Variants in PLEKHG1 observed in about 807,000 individuals in gnomAD.
PLEKHG1 encodes pleckstrin homology domain-containing family G member 1.
In PLEKHG1, 44 loss-of-function variants were observed where a neutral mutation model predicts 100.8. The observed-to-expected ratio is 0.44, with a 90% CI of 0.34 to 0.56. PLEKHG1 has a LOEUF of 0.56. PLEKHG1 is among the 20% of genes least tolerant of loss of function. The pLI is 0.01. For missense variants in PLEKHG1, 1,545 were observed against 1,720.9 expected (o/e 0.90, Z 1.81); for synonymous variants, 640 against 662.5 (o/e 0.97, Z 0.52).
intron 3 of PLEKHG1, among the ~76,000 whole-genome samples, chr6:150,697,137 T>C (rs898170844): frequency 2.0e-5 from 3 of 151,776 alleles, no homozygotes; most frequent in African/African-American, 7.3e-5. Flanking sequence ...TACTTTTAAA[T>C]ACATGAATGC....
intron 4 of PLEKHG1, among the ~76,000 whole-genome samples, chr6:150,790,788 G>A (rs767346071): frequency 5.3e-5 from 8 of 152,114 alleles, no homozygotes; most frequent in Middle Eastern, 3.4e-3. Context: ...TTGGGAGGCC[G>A]AAGGGGGCAG....
chr6:150,768,395 T>G (rs540153937), intron 2 of PLEKHG1, among the ~76,000 whole-genome samples: 1 of 152,228 alleles, frequency 6.6e-6, no homozygotes, highest in Non-Finnish European at 1.5e-5. Flanking sequence ...CTGGGGAAGC[T>G]CTAATATATT....
At chr6:150,726,957 T>G (rs1220801376) in intron 1 of PLEKHG1, among the ~76,000 whole-genome samples, 1 of 152,240 alleles carries the variant, frequency 6.6e-6, no homozygotes, top group Admixed American at 6.5e-5. Flanking sequence ...GTCAGTTGTT[T>G]ACAACGTTGA....
At chr6:150,777,843 C>T (rs1022679374) in intron 3 of PLEKHG1, among the ~76,000 whole-genome samples, 4 of 152,408 alleles carry the variant, frequency 2.6e-5, no homozygotes, top group East Asian at 1.9e-4. Flanking sequence ...TGCTGTTGCA[C>T]GTTAGTTACA....
chr6:150,809,821 A>C, intron 10 of PLEKHG1, 87 bp downstream of exon 11: 1 of 956,332 alleles, frequency 1.0e-6, no homozygotes, highest in Non-Finnish European at 1.6e-6. Flanking sequence ...GTGAGCCGAG[A>C]TCACATCATT....
chr6:150,800,391 T>C (rs1433400295), intron 5 of PLEKHG1, among the ~76,000 whole-genome samples: 4 of 152,180 alleles, frequency 2.6e-5, no homozygotes, highest in South Asian at 4.1e-4. Context: ...GATACCCAGA[T>C]TGGGCGCAGC....
At chr6:150,752,837 T>C (rs13211397) in intron 2 of PLEKHG1, among the ~76,000 whole-genome samples, 27,450 of 152,090 alleles carry the variant, frequency 0.18, 4,421 homozygotes, top group African/African-American at 0.43. Flanking sequence ...TTAGTCGTGG[T>C]ACAGTGGCTC....
chr6:150,803,918 A>T (rs1786856323), intron 6 of PLEKHG1, among the ~76,000 whole-genome samples: 1 of 151,932 alleles, frequency 6.6e-6, no homozygotes, highest in Non-Finnish European at 1.5e-5. Context: ...ATTGGCCACC[A>T]GGAAGCTCAG....
In PLEKHG1 at chr6:150,822,177, A is replaced by AAAC. The variant is rs1278144184; in HGVS notation, c.1447+945_1447+946insACA. Among the ~76,000 whole-genome samples the AAAC allele has an allele frequency of 8.8e-5, 11 of 124,392 alleles. 1 individual carries two copies. In the East Asian group the frequency reaches 8.9e-4, roughly 10 times the overall value. 81.6% of individuals were successfully genotyped at this position (124,392 alleles called of 152,430 possible). The stretch of plus-strand genomic sequence containing the variant: ...AAAAAAAAAAAAAAAAAAAAAAAAA[A>AAAC]AGAATAGGGCAGTTTCACAAAAACA... On this transcript the variant is annotated intron_variant, in intron 13 of 15. Coordinates refer to ENST00000358517, the Ensembl canonical transcript of PLEKHG1.
At chr6:150,741,936 C>T (rs1253957537) in intron 2 of PLEKHG1, among the ~76,000 whole-genome samples, 1 of 152,202 alleles carries the variant, frequency 6.6e-6, no homozygotes, top group East Asian at 1.9e-4. Flanking sequence ...ATAGAACCAC[C>T]ACCGTCCCCA....
At chr6:150,742,343 G>A (rs1441835385) in intron 2 of PLEKHG1, among the ~76,000 whole-genome samples, 2 of 152,164 alleles carry the variant, frequency 1.3e-5, no homozygotes, top group East Asian at 1.9e-4. Context: ...GAGGTGGGCG[G>A]ATCACGATGT....
chr6:150,832,681 CTTTTTTTTTT>C (rs66957918), intron 15 of PLEKHG1, among the ~76,000 whole-genome samples: 3 of 125,462 alleles, frequency 2.4e-5, no homozygotes, highest in Admixed American at 8.9e-5. Context: ...TTTTTGCATA[CTTTTTTTTTT>C]TTTTTTTTGA....
At chr6:150,771,422 A>C (rs1206722123) in intron 3 of PLEKHG1, among the ~76,000 whole-genome samples, 1 of 151,814 alleles carries the variant, frequency 6.6e-6, no homozygotes, top group Non-Finnish European at 1.5e-5. Context: ...ATCTTGAATG[A>C]ATGAATGAAT....
At position 150,673,061 on chromosome 6, in the gene PLEKHG1, G is replaced by A. The variant is rs889923161; in HGVS notation, c.-99+22275G>A. 2.6e-5 allele frequency among the ~76,000 whole-genome samples: 4 copies of A among 151,886 alleles called. No homozygotes were observed. The South Asian group carries it at 8.3e-4, about 32-fold the overall frequency. On this transcript the variant is annotated intron_variant, in intron 3 of 3. Transcript: ENST00000367326. ...ATTGAAACTGATTTTTTTCATAGTCGGCCGGAAAGCAAGACTATTTGATGT... is the reference window on the plus strand; with the variant it reads ...ATTGAAACTGATTTTTTTCATAGTCAGCCGGAAAGCAAGACTATTTGATGT...
intron 2 of PLEKHG1, among the ~76,000 whole-genome samples, chr6:150,644,038 C>T (rs1395371558): frequency 6.6e-6 from 1 of 152,090 alleles, no homozygotes; most frequent in Non-Finnish European, 1.5e-5. Flanking sequence ...GATGTTTGTA[C>T]ATAATCGTAA....
intron 10 of PLEKHG1, among the ~76,000 whole-genome samples, chr6:150,814,703 C>CT (rs1787752914): frequency 6.6e-6 from 1 of 152,130 alleles, no homozygotes. Flanking sequence ...AATAAAAACA[C>CT]CTTTTTTTGT....
intron 6 of PLEKHG1, among the ~76,000 whole-genome samples, chr6:150,802,805 C>T (rs1402088407): frequency 3.3e-5 from 5 of 151,836 alleles, no homozygotes; most frequent in Admixed American, 3.3e-4. Flanking sequence ...GGACTACAGG[C>T]GCGCACCACC....
chr6:150,788,833 T>A (rs1235524478), intron 4 of PLEKHG1, among the ~76,000 whole-genome samples: 1 of 152,138 alleles, frequency 6.6e-6, no homozygotes, highest in African/African-American at 2.4e-5. Context: ...GCCTTCTTCC[T>A]TTTAGAGCCC....
intron 4 of PLEKHG1, among the ~76,000 whole-genome samples, chr6:150,795,023 G>A (rs933732661): frequency 6.6e-6 from 1 of 151,682 alleles, no homozygotes; most frequent in African/African-American, 2.4e-5. Context: ...GGTCTAAAAA[G>A]TAAAAGTAAA....
Sources: allele counts gnomAD v4.1 joint callset (sites outside exome capture counted in the v4.1 genomes callset), GRCh38; gene constraint gnomAD v4.1.1; transcripts MANE v1.5; gene names NCBI Gene and HGNC (gene_info 2026-07-23, HGNC 2026-07-21).